The following AFG1L variants were observed in gnomAD, a reference collection of about 807,000 sequenced individuals.
The protein encoded by AFG1L is AFG1-like ATPase.
Under a neutral mutation model 62.2 loss-of-function variants are expected in AFG1L, and 53 were observed. The observed-to-expected ratio is 0.85, with a 90% CI of 0.68 to 1.07. The LOEUF (loss-of-function observed/expected upper bound fraction) is 1.07. Among genes scored for constraint, AFG1L ranks in the 50% least tolerant of loss-of-function variants. The pLI is 0.00. For missense variants in AFG1L, 555 were observed against 590.5 expected, an observed-to-expected ratio of 0.94 and a Z score of 0.62; for synonymous variants, 228 against 210.3, an observed-to-expected ratio of 1.08 and a Z score of -0.73.
At chr6:108,310,940 A>G (rs1157889347) in intron 1 of AFG1L, among the ~76,000 whole-genome samples, 1 of 151,450 alleles carries the variant, frequency 6.6e-6, no homozygotes, top group African/African-American at 2.4e-5. Flanking sequence ...TTTTTTTTCT[A>G]TTGTATTTTC....
At chr6:108,325,399 A>T (rs1777997843) in intron 2 of AFG1L, among the ~76,000 whole-genome samples, 1 of 147,144 alleles carries the variant, frequency 6.8e-6, no homozygotes, top group Non-Finnish European at 1.5e-5. Flanking sequence ...TACCTTGATC[A>T]CTTTCTTCAG....
chr6:108,515,909 G>C (rs1317743895), intron 11 of AFG1L, among the ~76,000 whole-genome samples: 2 of 152,172 alleles, frequency 1.3e-5, no homozygotes, highest in Non-Finnish European at 2.9e-5. Flanking sequence ...AGAAGAAATG[G>C]ATAAGTTCCT....
intron 6 of AFG1L, among the ~76,000 whole-genome samples, chr6:108,400,796 A>G (rs1488067900): frequency 1.6e-5 from 2 of 122,922 alleles, no homozygotes; most frequent in African/African-American, 6.5e-5. Flanking sequence ...ATAAAATTAT[A>G]TAATATATAA....
At chr6:108,339,547 T>C (rs1256294921) in intron 2 of AFG1L, among the ~76,000 whole-genome samples, 1 of 149,670 alleles carries the variant, frequency 6.7e-6, no homozygotes, top group Non-Finnish European at 1.5e-5. Flanking sequence ...GCAACCTCCA[T>C]CTACCAGGTT....
chr6:108,343,299 G>A (rs2114400931), intron 2 of AFG1L, among the ~76,000 whole-genome samples: 1 of 152,030 alleles, frequency 6.6e-6, no homozygotes, highest in Middle Eastern at 3.4e-3. Context: ...CTGCCCACTG[G>A]GGCCTCCCAA....
At chr6:108,519,606 G>A (rs893097699) in intron 11 of AFG1L, 91 bp from the exon 12 acceptor site, 1 of 720,446 alleles carries the variant, frequency 1.4e-6, no homozygotes, top group Non-Finnish European at 2.4e-6. Context: ...TCCTGTATGT[G>A]AAAAACAGAC....
chr6:108,468,053 G>A (rs780207820), intron 8 of AFG1L, among the ~76,000 whole-genome samples: 1 of 152,170 alleles, frequency 6.6e-6, no homozygotes, highest in Admixed American at 6.6e-5. Flanking sequence ...TCTCCCAAGT[G>A]TCAGCACCCC....
intron 8 of AFG1L, among the ~76,000 whole-genome samples, chr6:108,456,628 G>A (rs1025805789): frequency 2.6e-5 from 4 of 151,850 alleles, no homozygotes; most frequent in Admixed American, 6.6e-5. Context: ...ACCCATAACC[G>A]TTAGCAGTCA....
chr6:108,344,814 A>G (rs748565073), intron 2 of AFG1L: 11 of 470,278 alleles, frequency 2.3e-5, no homozygotes, highest in South Asian at 4.7e-5. Context: ...TTACTCGTCT[A>G]AGTGTAACAA....
chr6:108,350,360 C>T (rs960426923), intron 3 of AFG1L, among the ~76,000 whole-genome samples: 1 of 150,826 alleles, frequency 6.6e-6, no homozygotes, highest in Non-Finnish European at 1.5e-5. Context: ...TTTAAGGAGA[C>T]TTCATGGGAT....
chr6:108,319,813 AT>A, intron 1 of AFG1L: 1 of 430,158 alleles, frequency 2.3e-6, no homozygotes. Context: ...TTATTTATTT[AT>A]TTTGAGACAT....
intron 10 of AFG1L, among the ~76,000 whole-genome samples, chr6:108,494,628 T>C (rs528918695): frequency 1.4e-4 from 22 of 152,270 alleles, no homozygotes; most frequent in South Asian, 1.2e-3. Flanking sequence ...TTTTCTAGAA[T>C]GGTGAGATAT....
chr6:108,452,978 G>T (rs968997774), intron 8 of AFG1L, among the ~76,000 whole-genome samples: 1 of 152,172 alleles, frequency 6.6e-6, no homozygotes, highest in Admixed American at 6.5e-5. Context: ...AATGGTTAGG[G>T]CCTCGCATTC....
At chr6:108,504,787 A>G (rs1774335355) in intron 10 of AFG1L, among the ~76,000 whole-genome samples, 2 of 152,212 alleles carry the variant, frequency 1.3e-5, no homozygotes, top group Admixed American at 1.3e-4. Flanking sequence ...AAAAACATGG[A>G]TATTGGTATG....
chr6:108,488,872 A>G (rs1316063378), intron 10 of AFG1L, among the ~76,000 whole-genome samples: 1 of 151,924 alleles, frequency 6.6e-6, no homozygotes, highest in African/African-American at 2.4e-5. Context: ...CAAACAAAAA[A>G]CCGGAGTTGG....
At chr6:108,402,467 T>TAAAAAAAAAAAAAAAAAAAAAAAAAAAA (rs55775052) in intron 7 of AFG1L, among the ~76,000 whole-genome samples, 1 of 91,184 alleles carries the variant, frequency 1.1e-5, no homozygotes, top group Non-Finnish European at 2.1e-5. Flanking sequence ...CCGTCTCGAA[T>TAAAAAAAAAAAAAAAAAAAAAAAAAAAA]AAAAAAAAAA....
chr6:108,519,828 A>G lies in AFG1L; in HGVS notation c.1317+18A>G, dbSNP rs753392904. The G allele has an allele frequency of 1.4e-5, 21 of 1,480,904 alleles. No individual in the cohort carries two copies. The Middle Eastern group carries it at 7.0e-4, about 49-fold the overall frequency. 91.7% of individuals were successfully genotyped at this position (1,480,904 alleles called of 1,614,324 possible). A position where few individuals can be genotyped will look rare whatever the true frequency, so the allele number is the denominator to read the frequency against. ...TGAGCCAGGTAGGCGATATTAACAT[A>G]ATCTCTTTTTATTATAAAACAGCTT... On this transcript the variant is annotated intron_variant, in intron 12 of 12. Coordinates refer to ENST00000368977, the MANE Select transcript of AFG1L (RefSeq NM_145315.5).
chr6:108,517,297 A>G (rs1250632470), intron 11 of AFG1L, among the ~76,000 whole-genome samples: 3 of 152,198 alleles, frequency 2.0e-5, no homozygotes, highest in Non-Finnish European at 4.4e-5. Context: ...ACTGGTACCA[A>G]AACAGAGATA....
intron 7 of AFG1L, among the ~76,000 whole-genome samples, chr6:108,419,789 A>C (rs1330817094): frequency 6.6e-6 from 1 of 152,162 alleles, no homozygotes; most frequent in Non-Finnish European, 1.5e-5. Context: ...TTTCCTGAGA[A>C]AATTTTTCCA....
Sources: gnomAD v4.1 joint callset for allele counts (sites outside exome capture counted in the v4.1 genomes callset) on GRCh38, gnomAD v4.1.1 for gene constraint, MANE v1.5 for transcripts, NCBI Gene and HGNC (gene_info 2026-07-23, HGNC 2026-07-21) for gene names.